GALNT13: variants seen among roughly 807,000 people sequenced by gnomAD.
The protein encoded by GALNT13 is UDP-GalNAc:polypeptide N-acetylgalactosaminyltransferase 13.
Under a neutral mutation model 64.2 loss-of-function variants are expected in GALNT13, and 28 were observed. That is an observed-to-expected ratio of 0.44 (90% CI 0.32 to 0.60). GALNT13 has a LOEUF of 0.60. GALNT13 is among the 20% of genes least tolerant of loss of function. The pLI, the probability that GALNT13 is intolerant of heterozygous loss-of-function variation, is 0.05. For synonymous variants in GALNT13, 214 were observed against 224.6 expected (o/e 0.95, Z 0.42); for missense variants, 577 against 669.8 (o/e 0.86, Z 1.53).
At chr2:153,192,991 A>T in the GALNT13 span, among the ~76,000 whole-genome samples, 1 of 152,066 alleles carries the variant, frequency 6.6e-6, no homozygotes, top group Non-Finnish European at 1.5e-5. Context: ...TTACATTCAA[A>T]GTTATTATTG....
At chr2:153,497,790 G>A in the GALNT13 span, among the ~76,000 whole-genome samples, 1 of 151,800 alleles carries the variant, frequency 6.6e-6, no homozygotes, top group East Asian at 1.9e-4. Context: ...CGCCCGCCTC[G>A]GCCTCCCAAA....
At chr2:153,665,845 T>G in the GALNT13 span, among the ~76,000 whole-genome samples, 3 of 152,038 alleles carry the variant, frequency 2.0e-5, no homozygotes, top group Non-Finnish European at 4.4e-5. Flanking sequence ...GAGAACTGCT[T>G]GGAGAGTTGG....
the GALNT13 span, among the ~76,000 whole-genome samples, chr2:153,786,554 C>T: frequency 6.6e-6 from 1 of 151,940 alleles, no homozygotes; most frequent in African/African-American, 2.4e-5. Context: ...CCTAGGGCTA[C>T]ACTGAGCTTA....
chr2:153,082,573 TTATATATATATATATATATATATATA>T, the GALNT13 span, among the ~76,000 whole-genome samples: 4 of 40,558 alleles, frequency 9.9e-5, no homozygotes, highest in African/African-American at 2.3e-4. Context: ...TTAGGCTGGT[TTATATATATATATATATATATATATA>T]TATATATATA....
chr2:153,999,852 C>T (rs1030145809), intron 3 of GALNT13, among the ~76,000 whole-genome samples: 6 of 151,882 alleles, frequency 4.0e-5, no homozygotes, highest in Non-Finnish European at 7.4e-5. Flanking sequence ...AAAATATTCC[C>T]TCCTTTTAAA....
intron 10 of GALNT13, among the ~76,000 whole-genome samples, chr2:154,400,373 C>A (rs965158600): frequency 6.6e-6 from 1 of 152,088 alleles, no homozygotes; most frequent in African/African-American, 2.4e-5. Context: ...AATTGGGTGG[C>A]TTTAACAATT....
the GALNT13 span, among the ~76,000 whole-genome samples, chr2:153,440,802 GTTTT>G: frequency 6.6e-6 from 1 of 151,326 alleles, no homozygotes; most frequent in Non-Finnish European, 1.5e-5. Context: ...GGTATTGTTT[GTTTT>G]TTTTCTTTTG....
intron 9 of GALNT13, among the ~76,000 whole-genome samples, chr2:154,387,970 A>G (rs1192750936): frequency 6.6e-6 from 1 of 152,092 alleles, no homozygotes; most frequent in East Asian, 1.9e-4. Context: ...TGGTAGTTCT[A>G]TTTTTAGTTT....
At chr2:153,241,456 AC>A in the GALNT13 span, among the ~76,000 whole-genome samples, 1 of 152,024 alleles carries the variant, frequency 6.6e-6, no homozygotes, top group Non-Finnish European at 1.5e-5. Context: ...AAAATTGAGA[AC>A]CTTTTGCCTA....
intron 4 of GALNT13, among the ~76,000 whole-genome samples, chr2:154,236,465 A>G (rs1353523450): frequency 6.6e-6 from 1 of 152,084 alleles, no homozygotes; most frequent in African/African-American, 2.4e-5. Context: ...GATAATTCCA[A>G]TGTCCAGCCA....
chr2:154,150,116 T>G (rs1683895428), intron 4 of GALNT13, among the ~76,000 whole-genome samples: 2 of 152,206 alleles, frequency 1.3e-5, no homozygotes, highest in South Asian at 4.1e-4. Context: ...ATACCTAATT[T>G]ATTGAGAGTT....
chr2:153,097,871 G>A, the GALNT13 span, among the ~76,000 whole-genome samples: 5 of 152,132 alleles, frequency 3.3e-5, no homozygotes, highest in African/African-American at 1.2e-4. Flanking sequence ...TTTGAGACCG[G>A]CCTGGCTAAC....
the GALNT13 span, among the ~76,000 whole-genome samples, chr2:153,346,850 G>A: frequency 6.6e-6 from 1 of 152,040 alleles, no homozygotes; most frequent in African/African-American, 2.4e-5. Context: ...CTATATCATA[G>A]GTGTCATTAT....
chr2:154,144,205 A>C (rs915520255), intron 4 of GALNT13, among the ~76,000 whole-genome samples: 17 of 152,176 alleles, frequency 1.1e-4, no homozygotes, highest in Non-Finnish European at 2.4e-4. Context: ...ACAGTGTATG[A>C]GGTTTACCAG....
At chr2:153,778,693 T>C in the GALNT13 span, among the ~76,000 whole-genome samples, 1 of 152,236 alleles carries the variant, frequency 6.6e-6, no homozygotes, top group African/African-American at 2.4e-5. Context: ...GCTAAATAAT[T>C]CCAACTCTTC....
chr2:153,118,910 A>G, the GALNT13 span, among the ~76,000 whole-genome samples: 5,736 of 152,288 alleles, frequency 0.038, 166 homozygotes, highest in East Asian at 0.13. Flanking sequence ...TGTAGTTCCC[A>G]TAATCCCCAT....
At chr2:154,152,330 G>T (rs944812344) in intron 4 of GALNT13, among the ~76,000 whole-genome samples, 17 of 152,154 alleles carry the variant, frequency 1.1e-4, no homozygotes, top group African/African-American at 3.6e-4. Flanking sequence ...CCCTTTGTGG[G>T]TAACCCGACC....
At chr2:154,131,259 A>G (rs904616344) in intron 3 of GALNT13, among the ~76,000 whole-genome samples, 1 of 152,184 alleles carries the variant, frequency 6.6e-6, no homozygotes, top group African/African-American at 2.4e-5. Context: ...TAAGAAGCGT[A>G]TGAGCTTAAT....
chr2:154,376,641 A>G (rs1368991238), intron 9 of GALNT13, among the ~76,000 whole-genome samples: 2 of 152,150 alleles, frequency 1.3e-5, no homozygotes, highest in Non-Finnish European at 2.9e-5. Context: ...ACCAAAGAAA[A>G]CAAGCAAATT....
Sources: allele counts gnomAD v4.1 joint callset (sites outside exome capture counted in the v4.1 genomes callset), GRCh38; gene constraint gnomAD v4.1.1; transcripts MANE v1.5; gene names NCBI Gene and HGNC (gene_info 2026-07-23, HGNC 2026-07-21).